FAM186A: variants seen among roughly 807,000 people sequenced by gnomAD.
FAM186A encodes the protein protein FAM186A.
A neutral mutation model predicts 216.8 loss-of-function variants in FAM186A; 163 were observed. That is an observed-to-expected ratio of 0.75 (90% confidence interval 0.66 to 0.86). The LOEUF (loss-of-function observed/expected upper bound fraction) is 0.86, where lower values mean the gene tolerates loss of function less well. Among genes scored for constraint, FAM186A ranks in the 40% least tolerant of loss-of-function variants. FAM186A has a pLI of 0.00. For synonymous variants in FAM186A, 805 were observed against 1,025.3 expected (o/e 0.79, Z 4.10); for missense variants, 2,184 against 2,746.2 (o/e 0.80, Z 4.58).
chr12:50,361,081 A>C (rs1240915365), intron 2 of FAM186A, among the ~76,000 whole-genome samples, 155 bp from the exon 3 acceptor site: 1 of 152,252 alleles, frequency 6.6e-6, no homozygotes, highest in Non-Finnish European at 1.5e-5. Context: ...CTCTATGAAG[A>C]AATTAAAAAG....
chr12:50,344,269 C>G (rs1942791989), intron 4 of FAM186A, among the ~76,000 whole-genome samples: 1 of 152,080 alleles, frequency 6.6e-6, no homozygotes, highest in Admixed American at 6.6e-5. Flanking sequence ...TGTCCCACTT[C>G]CTCTCTCCCC....
At chr12:50,330,476 T>G (rs1942645411) in intron 7 of FAM186A, 97 bp downstream of exon 7, 1 of 1,248,772 alleles carries the variant, frequency 8.0e-7, no homozygotes, top group Admixed American at 2.6e-5. Flanking sequence ...TACTTTTGGT[T>G]GATGTACCTG....
At chr12:50,346,505 G>T (rs113611796) in intron 4 of FAM186A, among the ~76,000 whole-genome samples, 19 of 152,236 alleles carry the variant, frequency 1.2e-4, no homozygotes, top group African/African-American at 4.6e-4. Flanking sequence ...GAGATTACAG[G>T]CATGAGCCAC....
At chr12:50,365,930 A>T (rs1943083211) in intron 1 of FAM186A, 1 of 763,322 alleles carries the variant, frequency 1.3e-6, no homozygotes, top group Admixed American at 1.7e-5. Context: ...CTAATGGCAC[A>T]ACTGTCCATG....
chr12:50,340,617 G>A (rs1592600238), intron 4 of FAM186A, among the ~76,000 whole-genome samples: 2 of 151,480 alleles, frequency 1.3e-5, no homozygotes, highest in South Asian at 2.1e-4. Context: ...TGGCGTTATG[G>A]TGAGCTATGA....
Position 50,353,740 on chromosome 12 carries a change from C to G in FAM186A, c.3092G>C (p.Arg1031Thr), listed in dbSNP as rs1236056581. The G allele has an allele frequency of 1.3e-6, 2 of 1,549,984 alleles. No homozygotes were observed. The highest frequency in any genetic ancestry group is 1.7e-6 in the Non-Finnish European group (2 of 1,146,552). Residue 1031 changes from arginine (R) to threonine (T), a missense_variant, in exon 4 of 8, where the codon AGG becomes ACG. By Grantham distance (71) the Arg-to-Thr change is moderately conservative. Around this residue, in one of 7 missense-constraint regions of FAM186A, gnomAD observed 1,132 missense variants for 1,263.4 expected, o/e 0.90. Coordinates refer to ENST00000327337, the MANE Select transcript of FAM186A (RefSeq NM_001145475.3). The part of the protein sequence containing the change: ...QRSYEGKEFQ[R>T]NLKTLENLPD... ...AAGGTTCTCTAATGTCTTCAGATTC[C>G]TCTGAAACTCTTTTCCTTCATATGA...
At chr12:50,333,264 G>A (rs1445098602) in intron 5 of FAM186A, among the ~76,000 whole-genome samples, 1 of 152,116 alleles carries the variant, frequency 6.6e-6, no homozygotes, top group Non-Finnish European at 1.5e-5. Flanking sequence ...AGGCGTGGTG[G>A]CTCACGCCTG....
intron 4 of FAM186A, among the ~76,000 whole-genome samples, chr12:50,337,079 T>C (rs1409239936): frequency 6.6e-6 from 1 of 151,408 alleles, no homozygotes; most frequent in Non-Finnish European, 1.5e-5. Flanking sequence ...TAAATTATTA[T>C]ATTTGTATTT....
Position 50,354,176 on chromosome 12 carries a change from C to T in FAM186A, c.2656G>A (p.Glu886Lys), listed in dbSNP as rs1481391877. The T allele has an allele frequency of 8.4e-6, 13 of 1,551,556 alleles. No homozygotes were observed. Among genetic ancestry groups the T allele is most frequent in the Non-Finnish European group, 2.6e-6 (3 of 1,147,000 alleles). Residue 886 changes from glutamate to lysine, a missense_variant, in exon 4 of 8, where the codon GAA (glutamate) becomes AAA (lysine). Physicochemically the swap from Glu to Lys is moderately conservative, Grantham distance 56. Transcript: ENST00000327337. ...EQQSQKQWQE[E>K]EMWKEEQKQA... Reference sequence around the variant, plus strand: ...TTTTGCTCTTCCTTCCACATCTCTTCTTCCTGCCACTGTTTCTGGCTCTGT... The same window carrying T: ...TTTTGCTCTTCCTTCCACATCTCTTTTTCCTGCCACTGTTTCTGGCTCTGT...
At chr12:50,362,648 G>T (rs1943046926) in intron 2 of FAM186A, among the ~76,000 whole-genome samples, 1 of 150,398 alleles carries the variant, frequency 6.6e-6, no homozygotes, top group Non-Finnish European at 1.5e-5. Flanking sequence ...GGAGGCTGAG[G>T]CAGGAGAATC....
At position 50,350,970 on chromosome 12, in the gene FAM186A, T is replaced by G; in HGVS notation, c.5862A>C (p.Lys1954Asn). 6.4e-7 allele frequency: 1 copy of G among 1,551,228 alleles called. No individual in the cohort carries two copies. Among genetic ancestry groups the G allele is most frequent in the Non-Finnish European group, 8.7e-7 (1 of 1,146,888 alleles). The change falls in exon 4 of 8, where the codon AAA (lysine) becomes AAC (asparagine). Residue 1954 changes from lysine to asparagine, a missense_variant. By Grantham distance (94) the Lys-to-Asn change is moderately conservative. Around this residue, in one of 7 missense-constraint regions of FAM186A, gnomAD observed 721 missense variants for 816.4 expected, o/e 0.88. Transcript: ENST00000327337. ...QKSWSPSVAK[K>N]RLAIISSLKS... ...TCAGAGAAGAAATAATTGCCAATCT[T>G]TTCTTAGCAACAGAAGGGGACCAAC... is the stretch of plus-strand genomic sequence containing the variant.
At chr12:50,363,651 G>A (rs1051953636) in intron 1 of FAM186A, among the ~76,000 whole-genome samples, 10 of 151,580 alleles carry the variant, frequency 6.6e-5, no homozygotes, top group African/African-American at 1.5e-4. Context: ...AATAAATCAC[G>A]GCATGTCTGA....
intron 6 of FAM186A, 108 bp downstream of exon 6, chr12:50,331,562 C>G: frequency 9.1e-7 from 1 of 1,098,488 alleles, no homozygotes. Context: ...TTAGACTCTC[C>G]ATTGCACCAT....
At chr12:50,372,622 C>T (rs1243615809) in intron 1 of FAM186A, among the ~76,000 whole-genome samples, 6 of 150,980 alleles carry the variant, frequency 4.0e-5, no homozygotes, top group Admixed American at 3.3e-4. Context: ...AATACTAGGC[C>T]GGGCACGGTG....
At chr12:50,339,741 T>TACACAC (rs10611207) in intron 4 of FAM186A, among the ~76,000 whole-genome samples, 3,975 of 148,454 alleles carry the variant, frequency 0.027, 105 homozygotes, top group East Asian at 0.077. Flanking sequence ...CAAAGTACTT[T>TACACAC]ACACACACAC....
chr12:50,372,898 C>T (rs1422393567), intron 1 of FAM186A, among the ~76,000 whole-genome samples: 94 of 121,198 alleles, frequency 7.8e-4, no homozygotes, highest in African/African-American at 2.8e-3. Flanking sequence ...AGCAAGACTC[C>T]GTCTAAAAAA....
chr12:50,338,217 T>C (rs967372044), intron 4 of FAM186A, among the ~76,000 whole-genome samples: 6 of 152,194 alleles, frequency 3.9e-5, no homozygotes, highest in African/African-American at 1.4e-4. Flanking sequence ...TTATTTTATT[T>C]TGAGACAGAG....
At chr12:50,380,403 C>T (rs551275678) in intron 1 of FAM186A, among the ~76,000 whole-genome samples, 6 of 150,752 alleles carry the variant, frequency 4.0e-5, no homozygotes, top group African/African-American at 7.3e-5. Context: ...TGTTCGGGTG[C>T]GGTGGCTCAC....
intron 4 of FAM186A, among the ~76,000 whole-genome samples, chr12:50,336,594 C>A (rs1294756675): frequency 6.6e-6 from 1 of 152,086 alleles, no homozygotes; most frequent in Non-Finnish European, 1.5e-5. Flanking sequence ...AGTTTGAAAA[C>A]CATTGTGCTT....
Sources: gnomAD v4.1 joint callset for allele counts (sites outside exome capture counted in the v4.1 genomes callset) on GRCh38, gnomAD v4.1.1 for gene constraint, gnomAD v4.1.1 regional missense constraint, MANE v1.5 for transcripts, NCBI Gene and HGNC (gene_info 2026-07-23, HGNC 2026-07-21) for gene names.